PCLO: variants seen among roughly 807,000 people sequenced by gnomAD.
The protein encoded by PCLO is piccolo presynaptic cytomatrix protein, also known as protein piccolo.
Under a neutral mutation model 427.5 loss-of-function variants are expected in PCLO, and 82 were observed. That is an observed-to-expected ratio of 0.19 (90% confidence interval 0.16 to 0.23). The LOEUF (loss-of-function observed/expected upper bound fraction) is 0.23, where lower values mean the gene tolerates loss of function less well. Ranked by LOEUF, PCLO falls within the 10% of genes least tolerant of loss-of-function variation. The probability of loss-of-function intolerance (pLI) is 1.00; values close to 1 mark genes in which losing one functional copy is unlikely to be tolerated. For missense variants in PCLO, 6,239 were observed against 6,115.9 expected (o/e 1.02, Z -0.67); for synonymous variants, 2,357 against 2,155.4 (o/e 1.09, Z -2.59).
At chr7:82,800,498 A>T (rs377284713) in intron 22 of PCLO, among the ~76,000 whole-genome samples, 28 of 152,184 alleles carry the variant, frequency 1.8e-4, no homozygotes, top group African/African-American at 6.8e-4. Flanking sequence ...ATTAAATGAG[A>T]CAGTGCATGA....
At chr7:82,876,926 G>A (rs1315154984) in intron 10 of PCLO, among the ~76,000 whole-genome samples, 3 of 152,044 alleles carry the variant, frequency 2.0e-5, no homozygotes, top group Non-Finnish European at 4.4e-5. Flanking sequence ...GCAAAATTTT[G>A]AGAGAACGAA....
chr7:82,967,096 C>A (rs1293269087), intron 3 of PCLO, among the ~76,000 whole-genome samples: 1 of 152,010 alleles, frequency 6.6e-6, no homozygotes, highest in African/African-American at 2.4e-5. Context: ...AATCACATTA[C>A]CTCATGCAGT....
intron 3 of PCLO, among the ~76,000 whole-genome samples, chr7:83,054,553 T>C (rs1583963326): frequency 1.3e-5 from 2 of 152,048 alleles, no homozygotes; most frequent in East Asian, 3.9e-4. Context: ...TATAAAGATA[T>C]TAATATTATG....
chr7:83,042,726 G>A (rs1404362925), intron 3 of PCLO, among the ~76,000 whole-genome samples: 2 of 152,118 alleles, frequency 1.3e-5, no homozygotes, highest in Non-Finnish European at 2.9e-5. Flanking sequence ...GTTGGTTGTG[G>A]TGGTGGGTGC....
At chr7:83,140,263 C>T (rs1397651758) in intron 2 of PCLO, among the ~76,000 whole-genome samples, 1 of 152,132 alleles carries the variant, frequency 6.6e-6, no homozygotes, top group Non-Finnish European at 1.5e-5. Context: ...CTCATTTGGC[C>T]ATTATTATTT....
intron 20 of PCLO, chr7:82,820,506 A>G (rs1233067575): frequency 8.2e-7 from 1 of 1,216,966 alleles, no homozygotes; most frequent in East Asian, 3.3e-5. Context: ...TACTTTATTT[A>G]TTACACAGGC....
intron 22 of PCLO, among the ~76,000 whole-genome samples, chr7:82,771,590 C>T (rs1456992267): frequency 6.6e-6 from 1 of 151,988 alleles, no homozygotes; most frequent in Non-Finnish European, 1.5e-5. Context: ...ATTTTAAATA[C>T]AGTATATATT....
chr7:82,917,680 T>C (rs1794499336), intron 6 of PCLO, among the ~76,000 whole-genome samples: 1 of 152,050 alleles, frequency 6.6e-6, no homozygotes, highest in African/African-American at 2.4e-5. Context: ...TCAATTTACC[T>C]AAGTATTCAG....
chr7:82,922,031 C>T (rs1794607355), intron 6 of PCLO, among the ~76,000 whole-genome samples: 1 of 151,988 alleles, frequency 6.6e-6, no homozygotes, highest in Non-Finnish European at 1.5e-5. Context: ...CAATGAGATA[C>T]CATCCTACAC....
chr7:83,121,878 C>T (rs564835458), intron 3 of PCLO, among the ~76,000 whole-genome samples: 1 of 152,046 alleles, frequency 6.6e-6, no homozygotes, highest in South Asian at 2.1e-4. Context: ...AGCCTAATAT[C>T]TCTGATAAAC....
chr7:82,793,640 A>C (rs1791154355), intron 22 of PCLO, among the ~76,000 whole-genome samples: 1 of 152,178 alleles, frequency 6.6e-6, no homozygotes, highest in South Asian at 2.1e-4. Flanking sequence ...TCAGATTTTT[A>C]ATAACTGCTA....
chr7:83,133,279 C>T (rs185150273), intron 3 of PCLO, among the ~76,000 whole-genome samples: 4 of 151,926 alleles, frequency 2.6e-5, no homozygotes, highest in Middle Eastern at 3.5e-3. Flanking sequence ...AAATCAAGGA[C>T]ATTGGAGTGA....
At chr7:82,797,817 A>C (rs1479089733) in intron 22 of PCLO, among the ~76,000 whole-genome samples, 6 of 152,214 alleles carry the variant, frequency 3.9e-5, no homozygotes. Context: ...AACTAATCTC[A>C]TGCTGGGATT....
chr7:82,985,890 T>A (rs1796245965), intron 3 of PCLO, among the ~76,000 whole-genome samples: 1 of 151,962 alleles, frequency 6.6e-6, no homozygotes, highest in Non-Finnish European at 1.5e-5. Flanking sequence ...TCATGCATAC[T>A]TTTTCGATTT....
At chr7:82,787,029 T>C (rs1284081482) in intron 22 of PCLO, among the ~76,000 whole-genome samples, 1 of 152,162 alleles carries the variant, frequency 6.6e-6, no homozygotes, top group Non-Finnish European at 1.5e-5. Flanking sequence ...TTTTCTATTG[T>C]GAACACACAA....
At chr7:82,964,984 T>C (rs764618199) in intron 4 of PCLO, among the ~76,000 whole-genome samples, 1 of 152,186 alleles carries the variant, frequency 6.6e-6, no homozygotes, top group African/African-American at 2.4e-5. Flanking sequence ...CCTCTGTGAA[T>C]TAAACATATT....
intron 6 of PCLO, among the ~76,000 whole-genome samples, chr7:82,948,817 G>T (rs895626216): frequency 6.6e-6 from 1 of 152,036 alleles, no homozygotes; most frequent in Non-Finnish European, 1.5e-5. Context: ...TGAGCACTAG[G>T]ATTAAGGTTT....
At chr7:82,888,875 T>C (rs1040374311) in intron 9 of PCLO, among the ~76,000 whole-genome samples, 1 of 152,146 alleles carries the variant, frequency 6.6e-6, no homozygotes, top group African/African-American at 2.4e-5. Flanking sequence ...CTAAAGGCTA[T>C]AGTTAAGACT....
At chr7:82,789,756 C>T (rs1356933806) in intron 22 of PCLO, among the ~76,000 whole-genome samples, 1 of 152,144 alleles carries the variant, frequency 6.6e-6, no homozygotes, top group South Asian at 2.1e-4. Flanking sequence ...CTCCAAATTA[C>T]TCTTTTAACT....
Sources: gnomAD v4.1 joint callset for allele counts (sites outside exome capture counted in the v4.1 genomes callset) on GRCh38, gnomAD v4.1.1 for gene constraint, MANE v1.5 for transcripts, NCBI Gene and HGNC (gene_info 2026-07-23, HGNC 2026-07-21) for gene names.